Variants in RIMS1 observed in about 807,000 individuals in gnomAD.
RIMS1 encodes regulating synaptic membrane exocytosis protein 1.
RIMS1 carries 83 observed loss-of-function variants against 214.1 expected under a neutral mutation model. That is an observed-to-expected ratio of 0.39 (90% CI 0.32 to 0.47). RIMS1 has a LOEUF of 0.47. RIMS1 is among the 20% of genes least tolerant of loss of function. The pLI, the probability that RIMS1 is intolerant of heterozygous loss-of-function variation, is 0.99. For synonymous variants in RIMS1, 793 were observed against 786.8 expected (o/e 1.01, Z -0.13); for missense variants, 2,050 against 2,161.8 (o/e 0.95, Z 1.03).
intron 18 of RIMS1, among the ~76,000 whole-genome samples, chr6:72,259,642 A>G: frequency 6.6e-6 from 1 of 152,060 alleles, no homozygotes; most frequent in East Asian, 1.9e-4. Flanking sequence ...ATGGGTTCTT[A>G]TGGGGATATG....
At chr6:71,998,573 G>T (rs890936426) in intron 2 of RIMS1, among the ~76,000 whole-genome samples, 1 of 152,048 alleles carries the variant, frequency 6.6e-6, no homozygotes, top group Non-Finnish European at 1.5e-5. Context: ...AGTTGTTGTT[G>T]CTCAATAAAT....
Position 72,284,078 on chromosome 6 carries a change from C to G in RIMS1, c.3514C>G (p.Gln1172Glu), listed in dbSNP as rs775012742. Residue 1172 changes from glutamine (Q) to glutamate (E), a missense_variant, in exon 24 of 34, where the codon CAA becomes GAA. Gln to Glu is a conservative substitution (Grantham distance 29). This residue lies in a region of RIMS1 where 889 missense variants were observed against 885.5 expected (regional missense o/e 1.00). Coordinates refer to ENST00000521978, the MANE Select transcript of RIMS1 (RefSeq NM_014989.7). ...CAGAAAGTCTGAAAGATCTAGCATCCAAAAACAGACTAGGAAAGGCACTGC... is the reference window on the plus strand; with the variant it reads ...CAGAAAGTCTGAAAGATCTAGCATCGAAAAACAGACTAGGAAAGGCACTGC... Reference protein sequence around the residue: ...HSRKSERSSIQKQTRKGTASD... With the variant: ...HSRKSERSSIEKQTRKGTASD... 6.2e-7 allele frequency: 1 copy of G among 1,612,976 alleles called. No homozygotes were observed. Among genetic ancestry groups the G allele is most frequent in the Non-Finnish European group, 8.5e-7 (1 of 1,179,292 alleles).
intron 29 of RIMS1, among the ~76,000 whole-genome samples, chr6:72,372,754 A>G (rs1595597619): frequency 6.6e-6 from 1 of 152,216 alleles, no homozygotes; most frequent in Admixed American, 6.5e-5. Context: ...TTGGTTTGCT[A>G]TTCATTGTTG....
chr6:72,370,634 T>G (rs926867562), intron 29 of RIMS1, among the ~76,000 whole-genome samples: 10 of 152,216 alleles, frequency 6.6e-5, no homozygotes, highest in African/African-American at 2.4e-4. Flanking sequence ...ATTTTTAATC[T>G]ACAGTGCTTA....
intron 6 of RIMS1, among the ~76,000 whole-genome samples, chr6:72,204,079 C>T (rs2052498149): frequency 6.6e-6 from 1 of 152,132 alleles, no homozygotes; most frequent in Admixed American, 6.5e-5. Flanking sequence ...ACTTCTTAAC[C>T]TTCACTTTCT....
intron 26 of RIMS1, among the ~76,000 whole-genome samples, chr6:72,304,935 A>G (rs889612774): frequency 3.3e-5 from 5 of 151,620 alleles, no homozygotes; most frequent in Non-Finnish European, 7.4e-5. Context: ...ATCATTTTGA[A>G]TCATAATGTT....
intron 1 of RIMS1, among the ~76,000 whole-genome samples, chr6:71,950,917 C>A (rs529109729): frequency 6.6e-6 from 1 of 152,060 alleles, no homozygotes; most frequent in East Asian, 1.9e-4. Context: ...TTCTTATTTA[C>A]GTATTTTATT....
Position 72,251,101 on chromosome 6 carries a change from T to A in RIMS1, c.2544+9T>A. The A allele has an allele frequency of 6.4e-7, 1 of 1,572,102 alleles. No homozygotes were observed. The highest frequency in any genetic ancestry group is 8.6e-7 in the Non-Finnish European group (1 of 1,157,856). On this transcript the variant is annotated intron_variant, in intron 14 of 33. Transcript: ENST00000521978. Reference sequence around the variant, plus strand: ...GTGAATTTCTTGGAGAGGTGATGTATATTTTAAAAACTCAAGTCAAATAGT... The same window carrying A: ...GTGAATTTCTTGGAGAGGTGATGTAAATTTTAAAAACTCAAGTCAAATAGT...
intron 28 of RIMS1, among the ~76,000 whole-genome samples, chr6:72,331,530 A>G (rs2096658119): frequency 6.6e-6 from 1 of 151,828 alleles, no homozygotes; most frequent in Non-Finnish European, 1.5e-5. Flanking sequence ...GAATTCTGCA[A>G]GTAAAATAGT....
At position 71,886,928 on chromosome 6, in the gene RIMS1, C is replaced by T; in HGVS notation, c.-96C>T. 2.1e-6 allele frequency: 3 copies of T among 1,439,560 alleles called. No individual in the cohort carries two copies. The highest frequency in any genetic ancestry group is 2.8e-6 in the Non-Finnish European group (3 of 1,055,358). 89.2% of individuals were successfully genotyped at this position (1,439,560 alleles called of 1,614,324 possible). ...CCTCCTCCTGCCGCCGCCGCTAGGG[C>T]TCCGCTGTGAGGGGGAAGCAGGGGC... On this transcript the variant is annotated 5_prime_UTR_variant, in exon 1 of 34. Transcript: ENST00000521978.
At chr6:72,128,206 T>A (rs2039901154) in intron 4 of RIMS1, among the ~76,000 whole-genome samples, 1 of 152,100 alleles carries the variant, frequency 6.6e-6, no homozygotes, top group Admixed American at 6.6e-5. Context: ...AAGACAATAC[T>A]GGGTGTTAAA....
chr6:72,115,559 C>T (rs1333569831), intron 4 of RIMS1, among the ~76,000 whole-genome samples: 1 of 151,728 alleles, frequency 6.6e-6, no homozygotes, highest in East Asian at 1.9e-4. Context: ...TAATATTATT[C>T]CATAATAAGT....
chr6:72,305,956 A>G (rs2095112421), intron 26 of RIMS1, among the ~76,000 whole-genome samples: 1 of 152,124 alleles, frequency 6.6e-6, no homozygotes, highest in African/African-American at 2.4e-5. Context: ...AAATTTTATT[A>G]TCTCTTGGGC....
At position 72,155,097 on chromosome 6, in the gene RIMS1, T is replaced by C. The variant is rs1347031426; in HGVS notation, c.472-24478T>C. Among the ~76,000 whole-genome samples the C allele has an allele frequency of 2.1e-5, 3 of 140,236 alleles. 1 individual carries two copies. The highest frequency in any genetic ancestry group is 3.2e-5 in the Non-Finnish European group (2 of 61,692). The allele number at this position is 140,236 out of a possible 152,430, so 92.0% of individuals were successfully genotyped here. On this transcript the variant is annotated intron_variant, in intron 4 of 33. Transcript: ENST00000521978. ...CTGCTGACACTAAATATAAGCATCT[T>C]GCATAGAGAGCTGGCTGGCCAGGAA...
At chr6:72,181,647 G>T (rs1415488566) in intron 5 of RIMS1, among the ~76,000 whole-genome samples, 1 of 152,198 alleles carries the variant, frequency 6.6e-6, no homozygotes, top group East Asian at 1.9e-4. Context: ...AAATTCACAG[G>T]AAAGCAATGA....
chr6:72,202,913 A>G (rs1371907683), intron 6 of RIMS1, among the ~76,000 whole-genome samples: 1 of 152,236 alleles, frequency 6.6e-6, no homozygotes, highest in Non-Finnish European at 1.5e-5. Flanking sequence ...GTAAAGATTA[A>G]ATGAGATTAT....
At chr6:72,098,765 G>T in intron 3 of RIMS1, among the ~76,000 whole-genome samples, 1 of 152,122 alleles carries the variant, frequency 6.6e-6, no homozygotes, top group African/African-American at 2.4e-5. Flanking sequence ...TTTATGATAT[G>T]TATATTTAAT....
At chr6:72,132,765 TATC>T (rs1450449969) in intron 4 of RIMS1, among the ~76,000 whole-genome samples, 1 of 152,234 alleles carries the variant, frequency 6.6e-6, no homozygotes, top group Non-Finnish European at 1.5e-5. Flanking sequence ...CATCTTATAC[TATC>T]ATATTATGTT....
intron 6 of RIMS1, among the ~76,000 whole-genome samples, chr6:72,186,622 T>C (rs1266879603): frequency 1.3e-5 from 2 of 152,246 alleles, no homozygotes; most frequent in African/African-American, 4.8e-5. Context: ...GTTGGAGCCC[T>C]TCAGTGTTTC....
Sources: allele counts gnomAD v4.1 joint callset (sites outside exome capture counted in the v4.1 genomes callset), GRCh38; gene constraint gnomAD v4.1.1; regional missense constraint gnomAD v4.1.1; transcripts MANE v1.5; gene names NCBI Gene and HGNC (gene_info 2026-07-23, HGNC 2026-07-21).